The following MBNL2 variants were observed in gnomAD, a reference collection of about 807,000 sequenced individuals.
MBNL2 encodes muscleblind like splicing regulator 2, also known as muscleblind-like protein 2.
MBNL2 carries 17 observed loss-of-function variants against 41.9 expected under a neutral mutation model. The ratio of observed to expected loss-of-function variants is 0.41; its 90% CI spans 0.28 to 0.61. The LOEUF (loss-of-function observed/expected upper bound fraction) is 0.61, where lower values mean the gene tolerates loss of function less well. MBNL2 is among the 20% of genes least tolerant of loss of function. MBNL2 has a pLI of 0.35. For missense variants in MBNL2, 336 were observed against 505.6 expected (o/e 0.66, Z 3.22); for synonymous variants, 195 against 182.9 (o/e 1.07, Z -0.53).
the MBNL2 span, among the ~76,000 whole-genome samples, chr13:97,210,720 G>A: frequency 6.6e-6 from 1 of 151,430 alleles, no homozygotes; most frequent in South Asian, 2.1e-4. Context: ...AACCTCCCAA[G>A]TAGCTGGGGT....
intron 2 of MBNL2, among the ~76,000 whole-genome samples, chr13:97,318,474 A>G (rs1177849071): frequency 6.6e-6 from 1 of 152,222 alleles, no homozygotes; most frequent in African/African-American, 2.4e-5. Context: ...GAGATTTTGC[A>G]TGTGAAACAG....
chr13:97,285,681 G>A (rs1482024239), intron 2 of MBNL2, among the ~76,000 whole-genome samples: 1 of 152,146 alleles, frequency 6.6e-6, no homozygotes, highest in Non-Finnish European at 1.5e-5. Context: ...AATACATATT[G>A]ATCACGTGCT....
chr13:97,340,501 T>C (rs550509567), intron 3 of MBNL2, among the ~76,000 whole-genome samples: 1 of 152,318 alleles, frequency 6.6e-6, no homozygotes, highest in African/African-American at 2.4e-5. Flanking sequence ...TGGACATTGA[T>C]TTTTACAGTA....
the MBNL2 span, among the ~76,000 whole-genome samples, chr13:97,204,291 T>C: frequency 1.3e-5 from 2 of 152,242 alleles, no homozygotes; most frequent in African/African-American, 4.8e-5. Context: ...GGATTTGTTA[T>C]AGAGTCCCAG....
In MBNL2 at chr13:97,256,588, G is replaced by A. The variant is rs2047584972; in HGVS notation, c.-604-19044G>A. Among the ~76,000 whole-genome samples the A allele has an allele frequency of 2.0e-5, 3 of 152,162 alleles. No individual in the cohort carries two copies. In the South Asian group the frequency reaches 6.2e-4, roughly 32 times the overall value. On this transcript the variant is annotated intron_variant, in intron 1 of 8. Coordinates refer to ENST00000679496, the MANE Select transcript of MBNL2 (RefSeq NM_001382683.1). ...GAGTGGCCTTAACCAAAATTTCCATGAGTAATGTTGCAATCTTCTTACCAT... is the reference window on the plus strand; with the variant it reads ...GAGTGGCCTTAACCAAAATTTCCATAAGTAATGTTGCAATCTTCTTACCAT...
intron 1 of MBNL2, among the ~76,000 whole-genome samples, chr13:97,233,167 ATATATAT>A (rs2042682713): frequency 1.8e-5 from 2 of 110,884 alleles, no homozygotes; most frequent in South Asian, 3.0e-4. Flanking sequence ...ATATATATAT[ATATATAT>A]ATCTTTTTAT....
At chr13:97,317,739 T>G (rs960425787) in intron 2 of MBNL2, among the ~76,000 whole-genome samples, 2 of 152,214 alleles carry the variant, frequency 1.3e-5, no homozygotes, top group Non-Finnish European at 2.9e-5. Flanking sequence ...AATTATTAGT[T>G]TGAAGTATTA....
At chr13:97,343,280 A>G in intron 4 of MBNL2, 64 bp downstream of exon 4, 1 of 1,209,454 alleles carries the variant, frequency 8.3e-7, no homozygotes, top group Non-Finnish European at 1.2e-6. Context: ...TGTGTAAGTG[A>G]TTGCTTGTAA....
chr13:97,198,200 T>C, the MBNL2 span, among the ~76,000 whole-genome samples: 2 of 152,162 alleles, frequency 1.3e-5, no homozygotes, highest in Admixed American at 6.5e-5. Context: ...ATTCAATCAG[T>C]TGAAGCCCTG....
At chr13:97,210,532 A>G in the MBNL2 span, among the ~76,000 whole-genome samples, 2 of 145,350 alleles carry the variant, frequency 1.4e-5, no homozygotes, top group East Asian at 2.0e-4. Flanking sequence ...TTTTATAACT[A>G]TACATAAACA....
At chr13:97,323,234 C>T (rs1471948140) in intron 2 of MBNL2, among the ~76,000 whole-genome samples, 4 of 152,174 alleles carry the variant, frequency 2.6e-5, no homozygotes, top group Non-Finnish European at 5.9e-5. Context: ...AAGGCTGTAA[C>T]AGAAGATGCA....
the MBNL2 span, among the ~76,000 whole-genome samples, chr13:97,211,018 A>C: frequency 6.6e-6 from 1 of 150,754 alleles, no homozygotes; most frequent in Non-Finnish European, 1.5e-5. Context: ...GGGTGGGGTG[A>C]GGGAAGGGGT....
intron 2 of MBNL2, among the ~76,000 whole-genome samples, chr13:97,281,586 C>G (rs1466462031): frequency 6.6e-6 from 1 of 152,140 alleles, no homozygotes; most frequent in Non-Finnish European, 1.5e-5. Context: ...TTGCCAAGAC[C>G]TTAAGTTCAT....
At chr13:97,158,562 T>A in the MBNL2 span, among the ~76,000 whole-genome samples, 1 of 151,374 alleles carries the variant, frequency 6.6e-6, no homozygotes, top group Non-Finnish European at 1.5e-5. Flanking sequence ...TACACACTGC[T>A]TTGAATGCGT....
intron 8 of MBNL2, among the ~76,000 whole-genome samples, chr13:97,390,485 G>C (rs1477909173): frequency 6.6e-6 from 1 of 152,094 alleles, no homozygotes; most frequent in Non-Finnish European, 1.5e-5. Flanking sequence ...ACAAAATTTG[G>C]TCAAAGCATT....
chr13:97,148,169 G>A, the MBNL2 span, among the ~76,000 whole-genome samples: 1 of 152,184 alleles, frequency 6.6e-6, no homozygotes, highest in Non-Finnish European at 1.5e-5. Flanking sequence ...TATTCACAAT[G>A]TCCAGTTGAG....
intron 8 of MBNL2, among the ~76,000 whole-genome samples, chr13:97,384,218 A>C (rs943289233): frequency 3.9e-5 from 6 of 152,292 alleles, no homozygotes; most frequent in Non-Finnish European, 8.8e-5. Flanking sequence ...AAAATTTTAT[A>C]GTCATGAAAT....
At chr13:97,275,358 A>G (rs777348117) in intron 1 of MBNL2, among the ~76,000 whole-genome samples, 4 of 152,240 alleles carry the variant, frequency 2.6e-5, no homozygotes, top group Non-Finnish European at 5.9e-5. Flanking sequence ...TAAGCACATT[A>G]GATGGGATTG....
intron 2 of MBNL2, among the ~76,000 whole-genome samples, chr13:97,330,524 A>G (rs914518326): frequency 1.3e-5 from 2 of 152,216 alleles, no homozygotes. Context: ...AACAAATCCT[A>G]GCTGCCACAA....
Sources: allele counts gnomAD v4.1 joint callset (sites outside exome capture counted in the v4.1 genomes callset), GRCh38; gene constraint gnomAD v4.1.1; transcripts MANE v1.5; gene names NCBI Gene and HGNC (gene_info 2026-07-23, HGNC 2026-07-21).